The following COMMD8 variants were observed in gnomAD, a reference collection of about 807,000 sequenced individuals.
COMMD8 encodes COMM domain-containing protein 8.
In COMMD8, 28 loss-of-function variants were observed where a neutral mutation model predicts 27.2. The ratio of observed to expected loss-of-function variants is 1.03; its 90% confidence interval spans 0.76 to 1.41. The LOEUF (loss-of-function observed/expected upper bound fraction) is 1.41, where lower values mean the gene tolerates loss of function less well. Among genes scored for constraint, COMMD8 ranks in the 40% most tolerant of loss-of-function variants. The pLI, the probability that COMMD8 is intolerant of heterozygous loss-of-function variation, is 0.00. For synonymous variants in COMMD8, 79 were observed against 75.5 expected, an observed-to-expected ratio of 1.05 and a Z score of -0.24; for missense variants, 217 against 211.2, an observed-to-expected ratio of 1.03 and a Z score of -0.17.
rs34279197 is a variant in COMMD8, at chr4:47,456,267, CATATATATATATATATATAT to C, written c.375+290_375+309del. Reference sequence around the variant, plus strand: ...TGTCTCAAAAAATAAATAAATTATACATATATATATATATATATATATATATATATATATGTATATGTTGA... The same window carrying C: ...TGTCTCAAAAAATAAATAAATTATACATATATATATATATGTATATGTTGA... On this transcript the variant is annotated intron_variant, in intron 3 of 4. Transcript: ENST00000381571. Among the ~76,000 whole-genome samples, 23 of 119,010 alleles carry C rather than the reference CATATATATATATATATATAT, an allele frequency of 1.9e-4. No homozygotes were observed. In the East Asian group the frequency reaches 2.3e-3, roughly 12 times the overall value. The allele number at this position is 119,010 out of a possible 152,430, so 78.1% of individuals were successfully genotyped here. A position where few individuals can be genotyped will look rare whatever the true frequency, so the allele number is the denominator to read the frequency against.
intron 1 of COMMD8, among the ~76,000 whole-genome samples, chr4:47,462,098 C>T (rs970302750): frequency 6.6e-6 from 1 of 152,084 alleles, no homozygotes; most frequent in African/African-American, 2.4e-5. Flanking sequence ...CAAAAAGGGC[C>T]TTGTGTACAA....
intron 1 of COMMD8, among the ~76,000 whole-genome samples, chr4:47,461,742 T>C (rs2109358545): frequency 6.6e-6 from 1 of 151,964 alleles, no homozygotes; most frequent in African/African-American, 2.4e-5. Flanking sequence ...TACCACACTC[T>C]GGACTGATCC....
chr4:47,452,968 G>A, intron 4 of COMMD8, 91 bp downstream of exon 4: 1 of 1,175,612 alleles, frequency 8.5e-7, no homozygotes. Flanking sequence ...TGCCCCTCCA[G>A]CCTGGGTGAC....
At chr4:47,456,208 T>C (rs913094017) in intron 3 of COMMD8, among the ~76,000 whole-genome samples, 2 of 148,096 alleles carry the variant, frequency 1.4e-5, no homozygotes, top group African/African-American at 5.0e-5. Flanking sequence ...GATCGCACCA[T>C]TGCACTCCAG....
chr4:47,452,684 T>C (rs1226662488), intron 4 of COMMD8, among the ~76,000 whole-genome samples: 1 of 152,194 alleles, frequency 6.6e-6, no homozygotes, highest in Non-Finnish European at 1.5e-5. Context: ...ACTATGAGTC[T>C]AGGAGTATCA....
At chr4:47,458,595 T>G (rs78146786) in intron 2 of COMMD8, among the ~76,000 whole-genome samples, 3,932 of 152,216 alleles carry the variant, frequency 0.026, 171 homozygotes, top group African/African-American at 0.09. Flanking sequence ...AGCTAAATGT[T>G]GTTAAGATGT....
At chr4:47,461,668 T>C (rs749149539) in intron 1 of COMMD8, among the ~76,000 whole-genome samples, 24 of 152,324 alleles carry the variant, frequency 1.6e-4, no homozygotes, top group Non-Finnish European at 2.9e-4. Flanking sequence ...ACAAAGGTCA[T>C]GGAAATGACT....
rs1729733136 is a variant in COMMD8, at chr4:47,450,828, G to A, written c.*817C>T. Reference sequence around the variant, plus strand: ...ATGCTTGTTGTTAAAGTTAACTGAGGTTACAAATGGTTTGTTTTTCCAATG... The same window carrying A: ...ATGCTTGTTGTTAAAGTTAACTGAGATTACAAATGGTTTGTTTTTCCAATG... On this transcript the variant is annotated 3_prime_UTR_variant, in exon 5 of 5. Coordinates refer to ENST00000381571, the MANE Select transcript of COMMD8 (RefSeq NM_017845.5). The A allele has an allele frequency of 6.6e-6, 1 of 152,098 alleles. No homozygotes were observed. The highest frequency in any genetic ancestry group is 6.6e-5 in the Admixed American group (1 of 15,260). 9.4% of individuals were successfully genotyped at this position (152,098 alleles called of 1,614,324 possible).
chr4:47,451,547 C>T lies in COMMD8; in HGVS notation c.*98G>A, dbSNP rs1365415552. On this transcript the variant is annotated 3_prime_UTR_variant, in exon 5 of 5. Transcript: ENST00000381571. ...TTGCTGCTTTCTCAGCCTGGTGCAACAGTCAAGACATCACAAGGTTTCTGA... is the reference window on the plus strand; with the variant it reads ...TTGCTGCTTTCTCAGCCTGGTGCAATAGTCAAGACATCACAAGGTTTCTGA... 3.4e-6 allele frequency: 3 copies of T among 877,466 alleles called. No homozygotes were observed. Among genetic ancestry groups the T allele is most frequent in the African/African-American group, 3.5e-5 (2 of 57,324 alleles). The allele number at this position is 877,466 out of a possible 1,614,324, so 54.4% of individuals were successfully genotyped here.
rs1275859916 is a variant in COMMD8 at position 47,456,600 on chromosome 4, G to A, written c.352C>T (p.Gln118Ter). The A allele has an allele frequency of 6.2e-6, 10 of 1,607,202 alleles. No homozygotes were observed. Among genetic ancestry groups the A allele is most frequent in the Non-Finnish European group, 8.5e-6 (10 of 1,177,618 alleles). The change falls in exon 3 of 5, where the codon CAG (glutamine) becomes TAG (stop). Residue 118 changes from glutamine (Q) to a stop codon, truncating the protein, a stop_gained. Transcript: ENST00000381571. LOFTEE classifies it high-confidence loss of function. ...ACCTTTACCTGCCAATCAAAATCCT[G>A]TAGCTGTGCAGAGGAAATAGCAACT... ...EIVAISSAQLQDFDWQVKLAL... is the reference protein window; with the variant it reads ...EIVAISSAQL
At chr4:47,460,791 C>T (rs1730003835) in intron 1 of COMMD8, among the ~76,000 whole-genome samples, 1 of 152,114 alleles carries the variant, frequency 6.6e-6, no homozygotes. Context: ...CAGACGAGCA[C>T]CACCGCACCC....
At chr4:47,459,556 T>C (rs1729968893) in intron 2 of COMMD8, among the ~76,000 whole-genome samples, 1 of 152,160 alleles carries the variant, frequency 6.6e-6, no homozygotes, top group Admixed American at 6.5e-5. Context: ...TTAATTCCTA[T>C]CATCAAATAC....
chr4:47,456,923 G>T (rs1376704048), intron 2 of COMMD8, among the ~76,000 whole-genome samples, 194 bp from the exon 3 acceptor site: 1 of 152,136 alleles, frequency 6.6e-6, no homozygotes, highest in African/African-American at 2.4e-5. Context: ...ATACAGTAAA[G>T]AAAAAGGACT....
At chr4:47,457,679 A>C (rs1729929654) in intron 2 of COMMD8, among the ~76,000 whole-genome samples, 1 of 152,132 alleles carries the variant, frequency 6.6e-6, no homozygotes. Context: ...AGAAAAGGTA[A>C]CCAAAAAATT....
At chr4:47,456,769 A>C in intron 2 of COMMD8, 40 bp from the exon 3 acceptor site, 1 of 1,495,552 alleles carries the variant, frequency 6.7e-7, no homozygotes, top group Non-Finnish European at 8.9e-7. Flanking sequence ...TTTCTGTTTA[A>C]AATGTAAAAA....
At chr4:47,454,839 G>A (rs976089820) in intron 3 of COMMD8, among the ~76,000 whole-genome samples, 19 of 141,160 alleles carry the variant, frequency 1.3e-4, no homozygotes, top group African/African-American at 5.1e-4. Flanking sequence ...ACTCCAGCCT[G>A]GGCACCAAGA....
In COMMD8 at chr4:47,453,159, T is replaced by C. The variant is rs374726097; in HGVS notation, c.431A>G (p.His144Arg). Residue 144 changes from histidine to arginine, a missense_variant, in exon 4 of 5, where the codon CAT (histidine) becomes CGT (arginine). Physicochemically the swap from His to Arg is conservative, Grantham distance 29 (BLOSUM62 0). Coordinates refer to ENST00000381571, the MANE Select transcript of COMMD8 (RefSeq NM_017845.5). Reference protein sequence around the residue: ...AALRMPLLSLHLDVKENGEVK... With the variant: ...AALRMPLLSLRLDVKENGEVK... ...TTCACCATTTTCTTTTACATCTAGA[T>C]GCAGGCTTAAAAGTGGCATTCGTAA... The C allele has an allele frequency of 2.7e-4, 436 of 1,613,984 alleles. No homozygotes were observed. The highest frequency in any genetic ancestry group is 3.6e-4 in the Non-Finnish European group (423 of 1,179,962).
intron 3 of COMMD8, among the ~76,000 whole-genome samples, 159 bp downstream of exon 3, chr4:47,456,418 T>C (rs1729891856): frequency 6.6e-6 from 1 of 150,754 alleles, no homozygotes; most frequent in Non-Finnish European, 1.5e-5. Context: ...GTAGTGTACT[T>C]ATGCCCAAGT....
Position 47,453,155 on chromosome 4 carries a change from T to G in COMMD8, c.435A>C (p.Leu145=), listed in dbSNP as rs754522307. ...ALRMPLLSLH[L]DVKENGEVKP... ...TTACTTCACCATTTTCTTTTACATC[T>G]AGATGCAGGCTTAAAAGTGGCATTC... The change falls in exon 4 of 5, where the codon CTA becomes CTC. Residue 145 remains leucine, a synonymous_variant. Transcript: ENST00000381571. 1 of 1,613,994 alleles carries G rather than the reference T, an allele frequency of 6.2e-7. No individual in the cohort carries two copies. The highest frequency in any genetic ancestry group is 8.5e-7 in the Non-Finnish European group (1 of 1,179,880).
Sources: allele counts gnomAD v4.1 joint callset (sites outside exome capture counted in the v4.1 genomes callset), GRCh38; gene constraint gnomAD v4.1.1; transcripts MANE v1.5; gene names NCBI Gene and HGNC (gene_info 2026-07-23, HGNC 2026-07-21).